Variants in DYRK2 observed in about 807,000 individuals in gnomAD.
DYRK2 encodes dual specificity tyrosine phosphorylation regulated kinase 2.
In DYRK2, 12 loss-of-function variants were observed where a neutral mutation model predicts 41.6. That is an observed-to-expected ratio of 0.29 (90% confidence interval 0.18 to 0.47). The LOEUF (loss-of-function observed/expected upper bound fraction) is 0.47. Ranked by LOEUF, DYRK2 falls within the 20% of genes least tolerant of loss-of-function variation. The pLI is 1.00. For synonymous variants in DYRK2, 322 were observed against 315.7 expected (o/e 1.02, Z -0.21); for missense variants, 678 against 798.4 (o/e 0.85, Z 1.82).
intron 2 of DYRK2, among the ~76,000 whole-genome samples, chr12:67,655,106 A>G (rs1236174786): frequency 6.6e-6 from 1 of 152,202 alleles, no homozygotes; most frequent in African/African-American, 2.4e-5. Flanking sequence ...ATTTGTGATC[A>G]TGTATTAAAT....
Position 67,660,982 on chromosome 12 carries a change from C to T in DYRK2, c.*2269C>T, listed in dbSNP as rs143464798. 322 of 167,112 alleles carry T rather than the reference C, an allele frequency of 1.9e-3. 1 individual carries two copies. The highest frequency in any genetic ancestry group is 7.4e-3 in the African/African-American group (306 of 41,570). The allele number at this position is 167,112 out of a possible 1,614,324, so 10.4% of individuals were successfully genotyped here. On this transcript the variant is annotated 3_prime_UTR_variant, in exon 3 of 3. Coordinates refer to ENST00000344096, the MANE Select transcript of DYRK2 (RefSeq NM_006482.3). ...TGGACTAATACTGCTTGTCTTTCCC[C>T]CACCGCACAAAACTGGTTCTTAAGA...
In DYRK2 at chr12:67,657,269, T is replaced by C. The variant is rs369962925; in HGVS notation, c.362T>C (p.Val121Ala). 1.2e-6 allele frequency: 2 copies of C among 1,613,874 alleles called. No homozygotes were observed. Among genetic ancestry groups the C allele is most frequent in the Non-Finnish European group, 1.7e-6 (2 of 1,180,006 alleles). The change falls in exon 3 of 3, where the codon GTG becomes GCG. Residue 121 changes from valine (V) to alanine (A), a missense_variant. Val to Ala is a moderately conservative substitution (Grantham distance 64). This residue lies in a region of DYRK2 where 285 missense variants were observed against 279.2 expected (regional missense o/e 1.02). Coordinates refer to ENST00000344096, the MANE Select transcript of DYRK2 (RefSeq NM_006482.3). This position sits in a 1 kb window ranked among gnomAD's most constrained non-coding sequence, Gnocchi z 4.8. ...ACAGTGGGCAAAACGGGCTTGCCAG[T>C]GGTGCCAGAGCGGCAGCTGGACAGC... The part of the protein sequence containing the change: ...LTTVGKTGLP[V>A]VPERQLDSIH...
At chr12:67,654,489 G>A (rs1008307341) in intron 2 of DYRK2, among the ~76,000 whole-genome samples, 1 of 152,160 alleles carries the variant, frequency 6.6e-6, no homozygotes, top group African/African-American at 2.4e-5. Context: ...GAAGCAAGGG[G>A]GCATGTTACG....
chr12:67,655,192 A>G (rs1324231063), intron 2 of DYRK2, among the ~76,000 whole-genome samples: 1 of 152,240 alleles, frequency 6.6e-6, no homozygotes, highest in Non-Finnish European at 1.5e-5. Context: ...AGAAATCTCT[A>G]AAGCCCCAAG....
rs1872549701 is a variant in DYRK2, at chr12:67,658,639, A to G, written c.1732A>G (p.Thr578Ala). 6.2e-7 allele frequency: 1 copy of G among 1,614,164 alleles called. No homozygotes were observed. Among genetic ancestry groups the G allele is most frequent in the East Asian group, 2.2e-5 (1 of 44,872 alleles). The change falls in exon 3 of 3, where the codon ACT (threonine) becomes GCT (alanine). Residue 578 changes from threonine (T) to alanine (A), a missense_variant. Around this residue, in one of 2 missense-constraint regions of DYRK2, gnomAD observed 393 missense variants for 519.1 expected, o/e 0.76. Coordinates refer to ENST00000344096, the MANE Select transcript of DYRK2 (RefSeq NM_006482.3). The surrounding 1 kb of genome is among the most constrained non-coding windows in gnomAD (Gnocchi z 4.3). ...TTCTAGCTCAGCTTCCAAACTGAGG[A>G]CTAATTTGGCGCAGATGACAGATGC... ...PPSSSASKLR[T>A]NLAQMTDANG...
chr12:67,660,181 T>C lies in DYRK2; in HGVS notation c.*1468T>C, dbSNP rs534084937. 6.0e-6 allele frequency: 1 copy of C among 167,200 alleles called. No homozygotes were observed. The highest frequency in any genetic ancestry group is 2.1e-4 in the South Asian group (1 of 4,826). The allele number at this position is 167,200 out of a possible 1,614,324, so 10.4% of individuals were successfully genotyped here. A position where few individuals can be genotyped will look rare whatever the true frequency, so the allele number is the denominator to read the frequency against. On this transcript the variant is annotated 3_prime_UTR_variant, in exon 3 of 3. Transcript: ENST00000344096. ...ATGTGCAATTTAATATAGAAAGATT[T>C]CTGCCTGTTTGGACAATAGGTTTTG...
rs922688928 is a variant in DYRK2 at position 67,662,827 on chromosome 12, T to TGA, written c.*4114_*4115insGA. The TGA allele has an allele frequency of 1.7e-3, 253 of 152,650 alleles. 1 individual carries two copies. Among genetic ancestry groups the TGA allele is most frequent in the African/African-American group, 5.9e-3 (246 of 41,558 alleles). The allele number at this position is 152,650 out of a possible 1,614,324, so 9.5% of individuals were successfully genotyped here. On this transcript the variant is annotated 3_prime_UTR_variant, in exon 3 of 3. Coordinates refer to ENST00000344096, the MANE Select transcript of DYRK2 (RefSeq NM_006482.3). ...CTACTAGTTTGTTCATAGCAATACT[T>TGA]TATTAGTTCAATATAAGTATGCAGA...
At chr12:67,654,694 C>T (rs1872416002) in intron 2 of DYRK2, among the ~76,000 whole-genome samples, 1 of 152,036 alleles carries the variant, frequency 6.6e-6, no homozygotes, top group African/African-American at 2.4e-5. Flanking sequence ...GGAGGGGAAG[C>T]CTTCTTTTTA....
At position 67,665,239 on chromosome 12, in the gene DYRK2, A is replaced by G. The variant is rs1052262064; in HGVS notation, c.*6526A>G. ...TTGAGGAGTTTTATATATTAAGGCTATTTCTTCATTTGTAAAAATGAAGTA... is the reference window on the plus strand; with the variant it reads ...TTGAGGAGTTTTATATATTAAGGCTGTTTCTTCATTTGTAAAAATGAAGTA... On this transcript the variant is annotated 3_prime_UTR_variant, in exon 3 of 3. Transcript: ENST00000344096. 9.9e-5 allele frequency: 15 copies of G among 152,280 alleles called. No individual in the cohort carries two copies. Among genetic ancestry groups the G allele is most frequent in the African/African-American group, 3.4e-4 (14 of 41,574 alleles). The allele number at this position is 152,280 out of a possible 1,614,324, so 9.4% of individuals were successfully genotyped here.
Position 67,663,416 on chromosome 12 carries a change from T to G in DYRK2, c.*4703T>G, listed in dbSNP as rs1450252508. 2.0e-5 allele frequency: 3 copies of G among 152,118 alleles called. No homozygotes were observed. Among genetic ancestry groups the G allele is most frequent in the Non-Finnish European group, 4.4e-5 (3 of 67,984 alleles). The allele number at this position is 152,118 out of a possible 1,614,324, so 9.4% of individuals were successfully genotyped here. ...ACCTCACATCATTATTTATTTCCCT[T>G]CTGTTACCAACAGCCAAGGAATTAC... On this transcript the variant is annotated 3_prime_UTR_variant, in exon 3 of 3. Transcript: ENST00000344096.
Position 67,648,988 on chromosome 12 carries a change from T to G in DYRK2, c.-146T>G. ...GGGGATGCAGTGGACTGTGTGTGTC[T>G]GGCTGTAGCAGACGCGAGGCGGCGA... On this transcript the variant is annotated 5_prime_UTR_variant, in exon 1 of 3. Transcript: ENST00000344096. The G allele has an allele frequency of 1.7e-6, 1 of 575,238 alleles. No individual in the cohort carries two copies. The highest frequency in any genetic ancestry group is 2.7e-6 in the Non-Finnish European group (1 of 366,694). 35.6% of individuals were successfully genotyped at this position (575,238 alleles called of 1,614,324 possible). A position where few individuals can be genotyped will look rare whatever the true frequency, so the allele number is the denominator to read the frequency against.
Position 67,648,788 on chromosome 12 carries a change from T to G in DYRK2, c.-346T>G, listed in dbSNP as rs1163457017. The G allele has an allele frequency of 6.4e-6, 1 of 156,470 alleles. No individual in the cohort carries two copies. Among genetic ancestry groups the G allele is most frequent in the Non-Finnish European group, 1.4e-5 (1 of 73,412 alleles). The allele number at this position is 156,470 out of a possible 1,614,324, so 9.7% of individuals were successfully genotyped here. ...GGCTCCCGAGCCAGGCGGTCTTCGG[T>G]CCTCGCAGCGCTTCCAGCTCCCCGC... On this transcript the variant is annotated 5_prime_UTR_variant, in exon 1 of 3. Transcript: ENST00000344096.
Position 67,649,059 on chromosome 12 carries a change from G to GGCGGCC in DYRK2, c.-72_-67dup. 1 of 1,302,084 alleles carries GGCGGCC rather than the reference G, an allele frequency of 7.7e-7. No individual in the cohort carries two copies. The highest frequency in any genetic ancestry group is 1.0e-6 in the Non-Finnish European group (1 of 991,574). The allele number at this position is 1,302,084 out of a possible 1,614,324, so 80.7% of individuals were successfully genotyped here. A position where few individuals can be genotyped will look rare whatever the true frequency, so the allele number is the denominator to read the frequency against. On this transcript the variant is annotated 5_prime_UTR_variant, in exon 1 of 3. Transcript: ENST00000344096. The stretch of plus-strand genomic sequence containing the variant: ...CGAGGGGCGGCCGGGAGGCGGCGGC[G>GGCGGCC]GCGGCCGCCAGAAGTAGCAGCAGGA...
rs566788866 is a variant in DYRK2 at position 67,661,052 on chromosome 12, C to A, written c.*2339C>A. On this transcript the variant is annotated 3_prime_UTR_variant, in exon 3 of 3. Transcript: ENST00000344096. The stretch of plus-strand genomic sequence containing the variant: ...ACTATCTTTATTTATAAATGGAAAC[C>A]GGAAACTTTTATACCAAACTATAAT... 2 of 166,102 alleles carry A rather than the reference C, an allele frequency of 1.2e-5. No individual in the cohort carries two copies. The highest frequency in any genetic ancestry group is 2.9e-5 in the Non-Finnish European group (2 of 68,026). 10.3% of individuals were successfully genotyped at this position (166,102 alleles called of 1,614,324 possible). A position where few individuals can be genotyped will look rare whatever the true frequency, so the allele number is the denominator to read the frequency against.
intron 2 of DYRK2, among the ~76,000 whole-genome samples, chr12:67,651,280 T>G (rs953145010): frequency 4.6e-5 from 7 of 152,228 alleles, no homozygotes; most frequent in African/African-American, 7.2e-5. Flanking sequence ...GGTTTGGATT[T>G]TTTTGTTTGG....
rs1872555144 is a variant in DYRK2, at chr12:67,658,825, T to C, written c.*112T>C. On this transcript the variant is annotated 3_prime_UTR_variant, in exon 3 of 3. Coordinates refer to ENST00000344096, the MANE Select transcript of DYRK2 (RefSeq NM_006482.3). The surrounding 1 kb of genome is among the most constrained non-coding windows in gnomAD (Gnocchi z 4.3). ...TATTTGCTCAATAACTCTACTCATT[T>C]GTATCTTTTCAGCACTTAATTTTAA... 8.2e-7 allele frequency: 1 copy of C among 1,215,076 alleles called. No individual in the cohort carries two copies. Among genetic ancestry groups the C allele is most frequent in the East Asian group, 2.5e-5 (1 of 39,648 alleles). The allele number at this position is 1,215,076 out of a possible 1,614,324, so 75.3% of individuals were successfully genotyped here.
At chr12:67,651,055 C>G (rs567954419) in intron 2 of DYRK2, among the ~76,000 whole-genome samples, 2 of 152,134 alleles carry the variant, frequency 1.3e-5, no homozygotes, top group Admixed American at 1.3e-4. Context: ...GTGCAAGTTT[C>G]GTAGGAAAAT....
chr12:67,664,584 T>C lies in DYRK2; in HGVS notation c.*5871T>C, dbSNP rs1162497424. The C allele has an allele frequency of 6.6e-6, 1 of 152,152 alleles. No homozygotes were observed. Among genetic ancestry groups the C allele is most frequent in the Non-Finnish European group, 1.5e-5 (1 of 68,006 alleles). 9.4% of individuals were successfully genotyped at this position (152,152 alleles called of 1,614,324 possible). A position where few individuals can be genotyped will look rare whatever the true frequency, so the allele number is the denominator to read the frequency against. ...TGCTCCAAAGTTGACTACAAAAACA[T>C]TGCAGTTTGAGGCTTAGGTTGTAAT... On this transcript the variant is annotated 3_prime_UTR_variant, in exon 3 of 3. Coordinates refer to ENST00000344096, the MANE Select transcript of DYRK2 (RefSeq NM_006482.3).
rs1872223138 is a variant in DYRK2, at chr12:67,649,097, A to G, written c.-37A>G. The G allele has an allele frequency of 2.0e-6, 3 of 1,468,014 alleles. No individual in the cohort carries two copies. The highest frequency in any genetic ancestry group is 2.6e-5 in the South Asian group (2 of 76,496). 90.9% of individuals were successfully genotyped at this position (1,468,014 alleles called of 1,614,324 possible). A position where few individuals can be genotyped will look rare whatever the true frequency, so the allele number is the denominator to read the frequency against. ...AGTAGCAGCAGGACCGGCGGCGGCG[A>G]CGGCAGCCCTGAAATGCATTTTCCT... is the stretch of plus-strand genomic sequence containing the variant. On this transcript the variant is annotated 5_prime_UTR_variant, in exon 1 of 3. Coordinates refer to ENST00000344096, the MANE Select transcript of DYRK2 (RefSeq NM_006482.3).
Sources: gnomAD v4.1 joint callset for allele counts (sites outside exome capture counted in the v4.1 genomes callset) on GRCh38, gnomAD v4.1.1 for gene constraint, gnomAD v4.1.1 regional missense constraint, Gnocchi (gnomAD v3.1) non-coding constraint, MANE v1.5 for transcripts, NCBI Gene and HGNC (gene_info 2026-07-23, HGNC 2026-07-21) for gene names.